Variants in ABHD17A observed in about 807,000 individuals in gnomAD.
ABHD17A encodes abhydrolase domain containing 17A, depalmitoylase, also known as alpha/beta hydrolase domain-containing protein 17A.
A neutral mutation model predicts 26.8 loss-of-function variants in ABHD17A; 10 were observed. The observed-to-expected ratio is 0.37, with a 90% confidence interval of 0.23 to 0.63. ABHD17A has a LOEUF of 0.63. Among genes scored for constraint, ABHD17A ranks in the 30% least tolerant of loss-of-function variants. The pLI is 0.61. For synonymous variants in ABHD17A, 167 were observed against 210.9 expected (o/e 0.79, Z 1.80); for missense variants, 292 against 457.3 (o/e 0.64, Z 3.30).
intron 2 of ABHD17A, 78 bp downstream of exon 2, chr19:1,881,157 C>G (rs1378499190): frequency 3.5e-5 from 56 of 1,581,436 alleles, no homozygotes; most frequent in Middle Eastern, 2.1e-4. Context: ...GCACCACCAA[C>G]CACACCAAGC....
chr19:1,880,167 G>GC lies in ABHD17A; in HGVS notation c.333-53dup. ...ACATCCTCGCTCCCAGCGCCCAGCTGCAGGGCAGGAGGATGCGTAGTGACA... is the reference window on the plus strand; with the variant it reads ...ACATCCTCGCTCCCAGCGCCCAGCTGCCAGGGCAGGAGGATGCGTAGTGACA... On this transcript the variant is annotated intron_variant, in intron 2 of 4. Coordinates refer to ENST00000292577, the MANE Select transcript of ABHD17A (RefSeq NM_001130111.2). This position sits in a 1 kb window ranked among gnomAD's most constrained non-coding sequence, Gnocchi z 4.1. 1.3e-6 allele frequency: 2 copies of GC among 1,597,696 alleles called. No individual in the cohort carries two copies. The highest frequency in any genetic ancestry group is 4.5e-5 in the East Asian group (2 of 44,600).
At chr19:1,884,460 G>A (rs1405215951) in intron 1 of ABHD17A, among the ~76,000 whole-genome samples, 1 of 152,192 alleles carries the variant, frequency 6.6e-6, no homozygotes, top group South Asian at 2.1e-4. Context: ...CCGTTCCCAC[G>A]CACTTAACTG....
In ABHD17A at chr19:1,880,888, A is replaced by G; in HGVS notation, c.332+347T>C. On this transcript the variant is annotated intron_variant, in intron 2 of 4. Coordinates refer to ENST00000292577, the MANE Select transcript of ABHD17A (RefSeq NM_001130111.2). This position sits in a 1 kb window ranked among gnomAD's most constrained non-coding sequence, Gnocchi z 4.1. ...GCCCTCTGGACTCAGATCTGGTCAGAACCCCACCTGGCGAGAAGGTGGATG... is the reference window on the plus strand; with the variant it reads ...GCCCTCTGGACTCAGATCTGGTCAGGACCCCACCTGGCGAGAAGGTGGATG... 1 of 1,612,990 alleles carries G rather than the reference A, an allele frequency of 6.2e-7. No individual in the cohort carries two copies. The highest frequency in any genetic ancestry group is 1.1e-5 in the South Asian group (1 of 91,076).
chr19:1,877,775 G>A (rs2012412182), intron 3 of ABHD17A, 88 bp from the exon 4 acceptor site: 3 of 1,370,022 alleles, frequency 2.2e-6, no homozygotes, highest in African/African-American at 1.4e-5. Flanking sequence ...AGCTCCGGAT[G>A]CGACCCTCCA....
At position 1,880,076 on chromosome 19, in the gene ABHD17A, C is replaced by G; in HGVS notation, c.372G>C (p.Leu124=). The stretch of plus-strand genomic sequence containing the variant: ...CAATGTAGAAGCTGCTCATCTGGCC[C>G]AGGTCCACGGCATTGCCGTGCGAGA... ...VLFSHGNAVD[L]GQMSSFYIGL... Residue 124 remains leucine, a synonymous_variant, in exon 3 of 5, where the codon CTG becomes CTC. Coordinates refer to ENST00000292577, the MANE Select transcript of ABHD17A (RefSeq NM_001130111.2). The surrounding 1 kb of genome is among the most constrained non-coding windows in gnomAD (Gnocchi z 4.1). 6.2e-7 allele frequency: 1 copy of G among 1,613,206 alleles called. No homozygotes were observed. The highest frequency in any genetic ancestry group is 8.5e-7 in the Non-Finnish European group (1 of 1,179,988).
chr19:1,881,406 C>G lies in ABHD17A; in HGVS notation c.161G>C (p.Gly54Ala), dbSNP rs760977878. The change falls in exon 2 of 5, where the codon GGG becomes GCG. Residue 54 changes from glycine (G) to alanine (A), a missense_variant. Around this residue, in one of 4 missense-constraint regions of ABHD17A, gnomAD observed 171 missense variants for 216.1 expected, o/e 0.79. Coordinates refer to ENST00000292577, the MANE Select transcript of ABHD17A (RefSeq NM_001130111.2). ...TGCGCCCGAGGAGGCTCTCAGGGTC[C>G]CCAAGGGGGCGGCCCCGGCCCCACC... ...GPGGAGAAPL[G>A]TLRASSGAPG... 8.7e-5 allele frequency: 139 copies of G among 1,603,602 alleles called. 1 individual carries two copies. The East Asian group carries it at 2.7e-3, about 32-fold the overall frequency.
intron 1 of ABHD17A, chr19:1,883,183 G>A (rs2012588458): frequency 6.6e-6 from 1 of 152,224 alleles, no homozygotes; most frequent in South Asian, 2.1e-4. Context: ...GCACATGCAA[G>A]CACTTTTCAG....
At chr19:1,882,720 A>G (rs2012576822) in intron 1 of ABHD17A, 1 of 152,222 alleles carries the variant, frequency 6.6e-6, no homozygotes, top group Non-Finnish European at 1.5e-5. Flanking sequence ...AAGCAACCAC[A>G]ATAGTGTAAG....
chr19:1,879,692 G>A lies in ABHD17A; in HGVS notation c.527+229C>T. 1 of 571,152 alleles carries A rather than the reference G, an allele frequency of 1.8e-6. No individual in the cohort carries two copies. The highest frequency in any genetic ancestry group is 2.0e-5 in the South Asian group (1 of 49,832). The allele number at this position is 571,152 out of a possible 1,614,324, so 35.4% of individuals were successfully genotyped here. A position where few individuals can be genotyped will look rare whatever the true frequency, so the allele number is the denominator to read the frequency against. ...CAGGCCAGGGGTTCCCAGGGAACCT[G>A]GCTCCACAGGCCAGGGTGTGGGAGG... On this transcript the variant is annotated intron_variant, in intron 3 of 4. Transcript: ENST00000292577. This position sits in a 1 kb window ranked among gnomAD's most constrained non-coding sequence, Gnocchi z 7.6.
chr19:1,877,000 G>C lies in ABHD17A; in HGVS notation c.*200C>G, dbSNP rs1291615842. Reference sequence around the variant, plus strand: ...CTAAAATTTTAAATCTTTAATTTCCGTTTTCACGTATTTTCTTCTTGCTTC... The same window carrying C: ...CTAAAATTTTAAATCTTTAATTTCCCTTTTCACGTATTTTCTTCTTGCTTC... On this transcript the variant is annotated 3_prime_UTR_variant, in exon 5 of 5. Coordinates refer to ENST00000292577, the MANE Select transcript of ABHD17A (RefSeq NM_001130111.2). The C allele has an allele frequency of 1.7e-6, 1 of 583,652 alleles. No homozygotes were observed. Among genetic ancestry groups the C allele is most frequent in the Non-Finnish European group, 3.0e-6 (1 of 328,154 alleles). The allele number at this position is 583,652 out of a possible 1,614,324, so 36.2% of individuals were successfully genotyped here.
intron 1 of ABHD17A, among the ~76,000 whole-genome samples, chr19:1,884,080 T>C (rs1258055025): frequency 1.3e-5 from 2 of 151,966 alleles, no homozygotes; most frequent in Non-Finnish European, 2.9e-5. Context: ...CTGCCAACGC[T>C]CTCAGAGTCC....
In ABHD17A at chr19:1,880,465, TG is replaced by T. The variant is rs1402189727; in HGVS notation, c.333-351del. ...AGACTCGCAGTGTGTGCTCAGATAC[TG>T]CAGGCTTCACTGCCCTTCCTCCTGG... On this transcript the variant is annotated intron_variant, in intron 2 of 4. Coordinates refer to ENST00000292577, the MANE Select transcript of ABHD17A (RefSeq NM_001130111.2). This position sits in a 1 kb window ranked among gnomAD's most constrained non-coding sequence, Gnocchi z 4.1. Among the ~76,000 whole-genome samples, 4 of 152,220 alleles carry T rather than the reference TG, an allele frequency of 2.6e-5. No individual in the cohort carries two copies. Among genetic ancestry groups the T allele is most frequent in the African/African-American group, 4.8e-5 (2 of 41,456 alleles).
rs1238782566 is a variant in ABHD17A, at chr19:1,885,313, G to A, written c.-239+39C>T. ...CCCTCGAGGCCCGGCCCGGGACCCC[G>A]CGCGGCCGCGCCCGCCCCCGCCCCT... is the stretch of plus-strand genomic sequence containing the variant. On this transcript the variant is annotated intron_variant, in intron 1 of 4. Coordinates refer to ENST00000292577, the MANE Select transcript of ABHD17A (RefSeq NM_001130111.2). The A allele has an allele frequency of 4.6e-5, 7 of 151,008 alleles. No homozygotes were observed. The East Asian group carries it at 5.8e-4, about 13-fold the overall frequency. 9.4% of individuals were successfully genotyped at this position (151,008 alleles called of 1,614,324 possible).
rs565615708 is a variant in ABHD17A, at chr19:1,877,035, A to G, written c.*165T>C. ...ATTTTCTTCTTGCTTCCAAAAGGAA[A>G]GGAGTGCGTAGCTCTGTTGCCTGTA... On this transcript the variant is annotated 3_prime_UTR_variant, in exon 5 of 5. Coordinates refer to ENST00000292577, the MANE Select transcript of ABHD17A (RefSeq NM_001130111.2). The G allele has an allele frequency of 1.7e-6, 1 of 585,336 alleles. No homozygotes were observed. Among genetic ancestry groups the G allele is most frequent in the African/African-American group, 1.9e-5 (1 of 52,558 alleles). 36.3% of individuals were successfully genotyped at this position (585,336 alleles called of 1,614,324 possible). A position where few individuals can be genotyped will look rare whatever the true frequency, so the allele number is the denominator to read the frequency against.
chr19:1,877,496 C>G lies in ABHD17A; in HGVS notation c.707+12G>C, dbSNP rs764113510. ...GCCCCGCCCCGCCCCCGTCCCCGCC[C>G]GGGCCGCTCACTTAGGGAAGGCGTC... is the stretch of plus-strand genomic sequence containing the variant. On this transcript the variant is annotated intron_variant, in intron 4 of 4. Transcript: ENST00000292577. 8 of 1,589,972 alleles carry G rather than the reference C, an allele frequency of 5.0e-6. No homozygotes were observed. The highest frequency in any genetic ancestry group is 3.4e-5 in the Admixed American group (2 of 59,114).
At position 1,880,085 on chromosome 19, in the gene ABHD17A, G is replaced by A. The variant is rs757073884; in HGVS notation, c.363C>T (p.Ala121=). 1.3e-5 allele frequency: 21 copies of A among 1,613,038 alleles called. No homozygotes were observed. The highest frequency in any genetic ancestry group is 6.7e-5 in the East Asian group (3 of 44,900). The change falls in exon 3 of 5, where the codon GCC becomes GCT. Residue 121 remains alanine, a synonymous_variant. Coordinates refer to ENST00000292577, the MANE Select transcript of ABHD17A (RefSeq NM_001130111.2). This position sits in a 1 kb window ranked among gnomAD's most constrained non-coding sequence, Gnocchi z 4.1. ...RYTVLFSHGN[A]VDLGQMSSFY... is the part of the protein sequence containing the mutation. The stretch of plus-strand genomic sequence containing the variant: ...AGCTGCTCATCTGGCCCAGGTCCAC[G>A]GCATTGCCGTGCGAGAAGAGGACCG...
In ABHD17A at chr19:1,877,204, G is replaced by A. The variant is rs975812365; in HGVS notation, c.929C>T (p.Ala310Val). ...TCCGGCCGGTTGGGGCCGCCGCTAG[G>A]CGCGCTGGCTGGGCAGCTCCTGGGA... is the stretch of plus-strand genomic sequence containing the variant. ...FISQELPSQR[A>V] Residue 310 changes from alanine to valine, a missense_variant, in exon 5 of 5, where the codon GCC (alanine) becomes GTC (valine). Transcript: ENST00000292577. 5.6e-6 allele frequency: 8 copies of A among 1,439,250 alleles called. No homozygotes were observed. The highest frequency in any genetic ancestry group is 2.4e-4 in the Middle Eastern group (1 of 4,164). The allele number at this position is 1,439,250 out of a possible 1,614,324, so 89.2% of individuals were successfully genotyped here.
Position 1,879,419 on chromosome 19 carries a change from G to A in ABHD17A, c.527+502C>T, listed in dbSNP as rs963226517. ...TGGAATCGAGGCTGGCCCAGACCTC[G>A]GATGTGTGCTGCGGGTCTGCACCTT... On this transcript the variant is annotated intron_variant, in intron 3 of 4. Coordinates refer to ENST00000292577, the MANE Select transcript of ABHD17A (RefSeq NM_001130111.2). This position sits in a 1 kb window ranked among gnomAD's most constrained non-coding sequence, Gnocchi z 7.6. The A allele has an allele frequency of 9.6e-5, 17 of 176,618 alleles. No individual in the cohort carries two copies. Among genetic ancestry groups the A allele is most frequent in the African/African-American group, 3.1e-4 (13 of 41,692 alleles). 10.9% of individuals were successfully genotyped at this position (176,618 alleles called of 1,614,324 possible).
intron 1 of ABHD17A, among the ~76,000 whole-genome samples, chr19:1,885,043 G>C (rs1235090861): frequency 6.6e-6 from 1 of 152,222 alleles, no homozygotes; most frequent in Non-Finnish European, 1.5e-5. Flanking sequence ...TTGTCGGACT[G>C]GGGGCAGTTT....
Sources: allele counts gnomAD v4.1 joint callset (sites outside exome capture counted in the v4.1 genomes callset), GRCh38; gene constraint gnomAD v4.1.1; regional missense constraint gnomAD v4.1.1; non-coding constraint Gnocchi (gnomAD v3.1); transcripts MANE v1.5; gene names NCBI Gene and HGNC (gene_info 2026-07-23, HGNC 2026-07-21).